Variants in BCAP31 observed in about 807,000 individuals in gnomAD.
BCAP31 encodes B-cell receptor-associated protein 31.
For synonymous variants in BCAP31, 75 were observed against 80.9 expected, an observed-to-expected ratio of 0.93 and a Z score of 0.39; for missense variants, 124 against 193.0, an observed-to-expected ratio of 0.64 and a Z score of 2.12.
intron 4 of BCAP31, among the ~76,000 whole-genome samples, chrX:153,714,812 G>T (rs1324640787): frequency 9.0e-6 from 1 of 110,848 alleles, no homozygotes; most frequent in African/African-American, 3.3e-5. Flanking sequence ...ATTAAGTGAT[G>T]AGAGCTCCAC....
chrX:153,717,134 G>C (rs1557050243), intron 3 of BCAP31, among the ~76,000 whole-genome samples: 1 of 112,404 alleles, frequency 8.9e-6, no homozygotes. Flanking sequence ...CATAAGAGCA[G>C]AAATCTTTTA....
At chrX:153,724,006 G>T (rs914715646) in intron 1 of BCAP31, 1 of 371,375 alleles carries the variant, frequency 2.7e-6, no homozygotes, top group Non-Finnish European at 5.1e-6. Context: ...CAGAAGCCAG[G>T]GGTCCTTACA....
intron 2 of BCAP31, among the ~76,000 whole-genome samples, chrX:153,722,754 G>C (rs1177915699): frequency 1.8e-5 from 2 of 111,671 alleles, no homozygotes; most frequent in Non-Finnish European, 3.8e-5. Context: ...ATACCAGTGA[G>C]ACTAGTTAGG....
intron 3 of BCAP31, among the ~76,000 whole-genome samples, chrX:153,719,512 C>A (rs1557050631): frequency 8.9e-6 from 1 of 112,132 alleles, no homozygotes. Flanking sequence ...GCAGTCCAGC[C>A]TGAACATATC....
chrX:153,723,609 C>A, intron 1 of BCAP31: 1 of 1,167,968 alleles, frequency 8.6e-7, no homozygotes, highest in Non-Finnish European at 1.1e-6. Flanking sequence ...AACTGAAAGG[C>A]GTTCTTCGGG....
rs375999696 is a variant in BCAP31 at position 153,715,495 on chromosome X, G to C, written c.341+47C>G. On this transcript the variant is annotated intron_variant, in intron 4 of 7. Transcript: ENST00000345046. ...CCACTGAGCTCGGTGTCCATGGCTAGCCCATGGCTCCTTTCACAGCACCTG... is the reference window on the plus strand; with the variant it reads ...CCACTGAGCTCGGTGTCCATGGCTACCCCATGGCTCCTTTCACAGCACCTG... 67 of 1,195,381 alleles carry C rather than the reference G, an allele frequency of 5.6e-5. No individual in the cohort carries two copies. The African/African-American group carries it at 9.9e-4, about 18-fold the overall frequency.
rs188976390 is a variant in BCAP31 at position 153,707,505 on chromosome X, T to C, written c.342-3411A>G. 3.3e-3 allele frequency among the ~76,000 whole-genome samples: 367 copies of C among 111,505 alleles called. 1 individual carries two copies. The highest frequency in any genetic ancestry group is 0.011 in the African/African-American group (342 of 30,682). On this transcript the variant is annotated intron_variant, in intron 4 of 7. Transcript: ENST00000345046. ...CACGTAAGGCTGGACAGAATCTCCCTGGGCCTAGACTGCACCTGTGTTCAC... is the reference window on the plus strand; with the variant it reads ...CACGTAAGGCTGGACAGAATCTCCCCGGGCCTAGACTGCACCTGTGTTCAC...
chrX:153,716,166 C>CAAA (rs781978720), intron 3 of BCAP31, among the ~76,000 whole-genome samples: 12 of 82,386 alleles, frequency 1.5e-4, no homozygotes, highest in Non-Finnish European at 2.4e-4. Flanking sequence ...AACTCCATCT[C>CAAA]AAAAAAAAAA....
chrX:153,703,992 C>T lies in BCAP31; in HGVS notation c.444G>A (p.Lys148=). Reference sequence around the variant, plus strand: ...GCTGGTCATTCTCCTCCATGTACTTCTTGGCCGCCTCACTAGCACTCTCCG... The same window carrying T: ...GCTGGTCATTCTCCTCCATGTACTTTTTGGCCGCCTCACTAGCACTCTCCG... ...KQAESASEAA[K]KYMEENDQLK... The change falls in exon 5 of 8, where the codon AAG becomes AAA. Residue 148 remains lysine (K), a synonymous_variant. Coordinates refer to ENST00000345046, the MANE Select transcript of BCAP31 (RefSeq NM_001256447.2). The T allele has an allele frequency of 8.3e-7, 1 of 1,211,912 alleles. No individual in the cohort carries two copies. The highest frequency in any genetic ancestry group is 1.1e-6 in the Non-Finnish European group (1 of 895,434).
intron 1 of BCAP31, chrX:153,723,535 C>T: frequency 1.7e-6 from 2 of 1,167,616 alleles, no homozygotes; most frequent in African/African-American, 1.8e-5. Context: ...TGTGTCAACA[C>T]GTCCAGAGCG....
At chrX:153,702,481 C>T (rs143922708) in intron 6 of BCAP31, 378 of 187,078 alleles carry the variant, frequency 2.0e-3, no homozygotes, top group African/African-American at 0.011. Flanking sequence ...CAGCAGCAGG[C>T]GAGGCCTGTG....
chrX:153,715,394 T>C (rs2091619880), intron 4 of BCAP31, 148 bp downstream of exon 4: 2 of 892,846 alleles, frequency 2.2e-6, no homozygotes, highest in Admixed American at 5.8e-5. Context: ...CTATGTGGCT[T>C]CCCTAACACA....
intron 7 of BCAP31, among the ~76,000 whole-genome samples, chrX:153,701,492 C>T (rs1260661428): frequency 2.7e-5 from 3 of 112,755 alleles, no homozygotes; most frequent in African/African-American, 6.4e-5. Flanking sequence ...ACGTCAAGAC[C>T]GCCTGGGCTT....
intron 1 of BCAP31, chrX:153,724,051 G>A: frequency 3.0e-6 from 1 of 334,397 alleles, no homozygotes; most frequent in Non-Finnish European, 5.7e-6. Context: ...CACCCAGAGC[G>A]AGGGGCCTCC....
intron 1 of BCAP31, 192 bp downstream of exon 1, chrX:153,724,142 C>T (rs956248413): frequency 1.9e-4 from 50 of 261,858 alleles, no homozygotes; most frequent in African/African-American, 1.4e-3. Context: ...CCCCCCGCCC[C>T]GCCCCCGAGA....
At position 153,720,689 on chromosome X, in the gene BCAP31, G is replaced by A. The variant is rs147312297; in HGVS notation, c.193+183C>T. On this transcript the variant is annotated intron_variant, in intron 3 of 7. Coordinates refer to ENST00000345046, the MANE Select transcript of BCAP31 (RefSeq NM_001256447.2). ...TAGAGGGGCCTCAAAGTGAAGAACC[G>A]ACTAGCGGTCAGCAGCATGGGCAAA... Among the ~76,000 whole-genome samples, 107 of 112,291 alleles carry A rather than the reference G, an allele frequency of 9.5e-4. No individual in the cohort carries two copies. The East Asian group carries it at 0.024, about 26-fold the overall frequency.
chrX:153,704,354 G>A (rs1362653614), intron 4 of BCAP31, among the ~76,000 whole-genome samples: 17 of 112,401 alleles, frequency 1.5e-4, no homozygotes, highest in African/African-American at 4.5e-4. Flanking sequence ...GGGGGGCTGG[G>A]AAGAGCCTCG....
At chrX:153,715,481 G>C (rs941299968) in intron 4 of BCAP31, 61 bp downstream of exon 4, 2 of 1,174,427 alleles carry the variant, frequency 1.7e-6, no homozygotes, top group Non-Finnish European at 2.3e-6. Flanking sequence ...CACTGAGCTC[G>C]GTGTCCATGG....
At position 153,715,668 on chromosome X, in the gene BCAP31, T is replaced by G; in HGVS notation, c.215A>C (p.Lys72Thr). Residue 72 changes from lysine to threonine, a missense_variant, in exon 4 of 8, where the codon AAG (lysine) becomes ACG (threonine). Physicochemically the swap from Lys to Thr is moderately conservative, Grantham distance 78 (BLOSUM62 -1). Coordinates refer to ENST00000345046, the MANE Select transcript of BCAP31 (RefSeq NM_001256447.2). ...LVIDAVREIR[K>T]YDDVTEKVNL... Reference sequence around the variant, plus strand: ...CACCTTTTCCGTCACATCATCATACTTCCGAATTTCGCGCACGGCATCTGT... The same window carrying G: ...CACCTTTTCCGTCACATCATCATACGTCCGAATTTCGCGCACGGCATCTGT... The G allele has an allele frequency of 8.3e-7, 1 of 1,211,331 alleles. No individual in the cohort carries two copies. Among genetic ancestry groups the G allele is most frequent in the Non-Finnish European group, 1.1e-6 (1 of 895,290 alleles).
Sources: gnomAD v4.1 joint callset for allele counts (sites outside exome capture counted in the v4.1 genomes callset) on GRCh38, gnomAD v4.1.1 for gene constraint, MANE v1.5 for transcripts, NCBI Gene and HGNC (gene_info 2026-07-23, HGNC 2026-07-21) for gene names.